The following RTN4IP1 variants were observed in gnomAD, a reference collection of about 807,000 sequenced individuals.
RTN4IP1 encodes the protein reticulon 4 interacting protein 1, also known as NAD(P)H oxidoreductase RTN4IP1, mitochondrial.
In RTN4IP1, 32 loss-of-function variants were observed where a neutral mutation model predicts 46.6. That is an observed-to-expected ratio of 0.69 (90% CI 0.52 to 0.92). The LOEUF (loss-of-function observed/expected upper bound fraction) is 0.92. Ranked by LOEUF, RTN4IP1 falls within the 40% of genes least tolerant of loss-of-function variation. The probability of loss-of-function intolerance (pLI) is 0.00; values close to 1 mark genes in which losing one functional copy is unlikely to be tolerated. For synonymous variants in RTN4IP1, 167 were observed against 161.8 expected (o/e 1.03, Z -0.24); for missense variants, 424 against 485.8 (o/e 0.87, Z 1.20).
intron 4 of RTN4IP1, among the ~76,000 whole-genome samples, chr6:106,618,192 C>T (rs1201361017): frequency 6.6e-6 from 1 of 152,122 alleles, no homozygotes; most frequent in East Asian, 1.9e-4. Context: ...GCTCTATCAC[C>T]GAACACATTA....
chr6:106,627,601 TA>T (rs1413977682), intron 1 of RTN4IP1, among the ~76,000 whole-genome samples: 4 of 151,898 alleles, frequency 2.6e-5, no homozygotes, highest in African/African-American at 7.3e-5. Context: ...ACATATCTTA[TA>T]AAAAACTGAA....
intron 4 of RTN4IP1, among the ~76,000 whole-genome samples, chr6:106,616,851 TGA>T (rs1418692065): frequency 6.6e-6 from 1 of 152,248 alleles, no homozygotes; most frequent in African/African-American, 2.4e-5. Flanking sequence ...CCGAAATTTC[TGA>T]GAGCAGCAAG....
At chr6:106,598,661 A>T (rs1219751625) in intron 5 of RTN4IP1, among the ~76,000 whole-genome samples, 1 of 151,924 alleles carries the variant, frequency 6.6e-6, no homozygotes, top group Non-Finnish European at 1.5e-5. Context: ...GTTCACTCTG[A>T]TGGTAGTTTC....
chr6:106,604,594 C>T (rs145902533), intron 4 of RTN4IP1, among the ~76,000 whole-genome samples: 49 of 152,122 alleles, frequency 3.2e-4, no homozygotes, highest in African/African-American at 1.1e-3. Context: ...TTTTCTTGGG[C>T]CCCCTCCCTA....
In RTN4IP1 at chr6:106,594,669, A is replaced by G. The variant is rs1184314263; in HGVS notation, c.670-2369T>C. Among the ~76,000 whole-genome samples the G allele has an allele frequency of 3.0e-4, 46 of 152,238 alleles. 1 individual carries two copies. Among genetic ancestry groups the G allele is most frequent in the Non-Finnish European group, 2.9e-5 (2 of 68,002 alleles). Reference sequence around the variant, plus strand: ...ACCCTTTCCCAAAATAATTATTCTGATTTTTATAGTAATCACCTCCTTGCA... The same window carrying G: ...ACCCTTTCCCAAAATAATTATTCTGGTTTTTATAGTAATCACCTCCTTGCA... On this transcript the variant is annotated intron_variant, in intron 5 of 8. Transcript: ENST00000369063.
At position 106,628,994 on chromosome 6, in the gene RTN4IP1, T is replaced by C; in HGVS notation, c.28A>G (p.Arg10Gly). The change falls in exon 1 of 9, where the codon AGA becomes GGA. Residue 10 changes from arginine (R) to glycine (G), a missense_variant. Coordinates refer to ENST00000369063, the MANE Select transcript of RTN4IP1 (RefSeq NM_032730.5). ...CAAACCGCAGTGCATGCATTTCTTC[T>C]AAGTACACAAGTCTTCAGAAATTCC... MEFLKTCVL[R>G]RNACTAVCFW... 1 of 1,613,598 alleles carries C rather than the reference T, an allele frequency of 6.2e-7. No homozygotes were observed.
intron 5 of RTN4IP1, among the ~76,000 whole-genome samples, chr6:106,595,659 G>A (rs1004128067): frequency 4.6e-5 from 7 of 151,798 alleles, no homozygotes; most frequent in Admixed American, 1.3e-4. Context: ...CACCACGCCC[G>A]GCTAATTCTT....
At chr6:106,595,745 G>A (rs1018936808) in intron 5 of RTN4IP1, among the ~76,000 whole-genome samples, 11 of 152,086 alleles carry the variant, frequency 7.2e-5, no homozygotes, top group African/African-American at 9.7e-5. Flanking sequence ...TGATCTGCCC[G>A]CCTTGGCATC....
At chr6:106,597,838 C>A (rs1362883536) in intron 5 of RTN4IP1, among the ~76,000 whole-genome samples, 1 of 152,046 alleles carries the variant, frequency 6.6e-6, no homozygotes, top group Non-Finnish European at 1.5e-5. Context: ...AACGCTATCC[C>A]TCCCCGCTCC....
At chr6:106,609,884 T>C (rs781170971) in intron 4 of RTN4IP1, among the ~76,000 whole-genome samples, 1 of 151,868 alleles carries the variant, frequency 6.6e-6, no homozygotes, top group Non-Finnish European at 1.5e-5. Context: ...ATTCTTTGTG[T>C]TGCCACCTGA....
intron 4 of RTN4IP1, among the ~76,000 whole-genome samples, 197 bp downstream of exon 4, chr6:106,619,005 G>A (rs559802647): frequency 6.6e-5 from 10 of 152,254 alleles, no homozygotes; most frequent in African/African-American, 2.2e-4. Context: ...CAAGTGATTG[G>A]GCTGAGAATC....
At chr6:106,580,737 A>C (rs1051956712) in intron 8 of RTN4IP1, among the ~76,000 whole-genome samples, 1 of 151,086 alleles carries the variant, frequency 6.6e-6, no homozygotes, top group Non-Finnish European at 1.5e-5. Context: ...AAAAAAAAAA[A>C]CGATCAAAAT....
intron 1 of RTN4IP1, among the ~76,000 whole-genome samples, chr6:106,625,514 G>A (rs903798540): frequency 3.9e-5 from 6 of 152,084 alleles, no homozygotes; most frequent in African/African-American, 1.4e-4. Context: ...ACTTTTGAGA[G>A]AATGGGAAAT....
chr6:106,622,167 C>A (rs1181915247), intron 2 of RTN4IP1, among the ~76,000 whole-genome samples: 2 of 149,402 alleles, frequency 1.3e-5, no homozygotes, highest in African/African-American at 5.1e-5. Context: ...AACAACAGAA[C>A]CAAAAAAGTG....
At chr6:106,628,576 G>C (rs1776719010) in intron 1 of RTN4IP1, among the ~76,000 whole-genome samples, 172 bp downstream of exon 1, 1 of 152,044 alleles carries the variant, frequency 6.6e-6, no homozygotes, top group African/African-American at 2.4e-5. Flanking sequence ...TGGCCAGAAG[G>C]ATTCCCTGGC....
chr6:106,586,818 A>T (rs1775497787), intron 7 of RTN4IP1, among the ~76,000 whole-genome samples: 1 of 152,228 alleles, frequency 6.6e-6, no homozygotes. Flanking sequence ...GGTAAAGTAG[A>T]GAGCAGACGC....
At chr6:106,593,458 A>G (rs1382893032) in intron 5 of RTN4IP1, among the ~76,000 whole-genome samples, 2 of 152,206 alleles carry the variant, frequency 1.3e-5, no homozygotes, top group Non-Finnish European at 2.9e-5. Context: ...CTTGAAGATT[A>G]CTAAGAAATT....
intron 5 of RTN4IP1, 84 bp from the exon 6 acceptor site, chr6:106,592,384 C>T: frequency 7.3e-7 from 1 of 1,370,414 alleles, no homozygotes; most frequent in African/African-American, 1.5e-5. Context: ...TCATTGGCAC[C>T]ATGTATACAT....
chr6:106,588,598 C>T (rs1775542755), intron 6 of RTN4IP1, among the ~76,000 whole-genome samples: 1 of 152,202 alleles, frequency 6.6e-6, no homozygotes, highest in Non-Finnish European at 1.5e-5. Context: ...TCTGTAATCA[C>T]TATATTCTAT....
Sources: gnomAD v4.1 joint callset for allele counts (sites outside exome capture counted in the v4.1 genomes callset) on GRCh38, gnomAD v4.1.1 for gene constraint, MANE v1.5 for transcripts, NCBI Gene and HGNC (gene_info 2026-07-23, HGNC 2026-07-21) for gene names.